The following GABBR2 variants were observed in gnomAD, a reference collection of about 807,000 sequenced individuals.
GABBR2 encodes gamma-aminobutyric acid type B receptor subunit 2.
In GABBR2, 23 loss-of-function variants were observed where a neutral mutation model predicts 105.6. The ratio of observed to expected loss-of-function variants is 0.22; its 90% CI spans 0.16 to 0.31. The LOEUF (loss-of-function observed/expected upper bound fraction) is 0.31. Ranked by LOEUF, GABBR2 falls within the 10% of genes least tolerant of loss-of-function variation. The probability of loss-of-function intolerance (pLI) is 1.00; values close to 1 mark genes in which losing one functional copy is unlikely to be tolerated. For missense variants in GABBR2, 734 were observed against 1,245.5 expected (o/e 0.59, Z 6.18); for synonymous variants, 478 against 499.7 (o/e 0.96, Z 0.58).
intron 3 of GABBR2, among the ~76,000 whole-genome samples, chr9:98,540,638 C>G (rs1432643491): frequency 6.6e-6 from 1 of 152,230 alleles, no homozygotes; most frequent in Non-Finnish European, 1.5e-5. Context: ...GTGTCTGCCC[C>G]CACCGCTCCG....
chr9:98,393,893 C>T (rs1400167683), intron 9 of GABBR2, among the ~76,000 whole-genome samples: 1 of 152,208 alleles, frequency 6.6e-6, no homozygotes, highest in Non-Finnish European at 1.5e-5. Flanking sequence ...AGAAGATAGA[C>T]CTAAATTTAG....
chr9:98,598,967 C>A (rs983083805), intron 1 of GABBR2, among the ~76,000 whole-genome samples: 2 of 152,178 alleles, frequency 1.3e-5, no homozygotes, highest in African/African-American at 2.4e-5. Context: ...CCCCTACCTC[C>A]TTAGCCCTCT....
At chr9:98,540,150 T>A (rs1231987754) in intron 3 of GABBR2, among the ~76,000 whole-genome samples, 4 of 152,138 alleles carry the variant, frequency 2.6e-5, no homozygotes, top group Non-Finnish European at 5.9e-5. Flanking sequence ...GTTCCCTTTG[T>A]GCCTCCTCCT....
chr9:98,434,913 G>T (rs1206454712), intron 7 of GABBR2, among the ~76,000 whole-genome samples: 1 of 152,182 alleles, frequency 6.6e-6, no homozygotes, highest in Non-Finnish European at 1.5e-5. Context: ...GGGTCTTGAG[G>T]TCACACTGTT....
intron 12 of GABBR2, among the ~76,000 whole-genome samples, chr9:98,368,410 C>T (rs568184645): frequency 6.6e-6 from 1 of 152,002 alleles, no homozygotes; most frequent in African/African-American, 2.4e-5. Context: ...GATGCCTGGA[C>T]CCACTGCAAG....
chr9:98,605,094 A>G, intron 1 of GABBR2, among the ~76,000 whole-genome samples: 1 of 152,242 alleles, frequency 6.6e-6, no homozygotes, highest in East Asian at 1.9e-4. Flanking sequence ...TGGCAAGGCC[A>G]AAAGGCAGAA....
intron 1 of GABBR2, among the ~76,000 whole-genome samples, chr9:98,677,378 T>C (rs1343608152): frequency 2.0e-5 from 3 of 152,232 alleles, no homozygotes; most frequent in African/African-American, 7.2e-5. Context: ...TATTAATAAC[T>C]GGAGGATACC....
intron 13 of GABBR2, among the ~76,000 whole-genome samples, chr9:98,349,602 C>T (rs1047730024): frequency 6.6e-6 from 1 of 151,982 alleles, no homozygotes; most frequent in Non-Finnish European, 1.5e-5. Context: ...GATCCGCCTT[C>T]CCTGGCCTCC....
At chr9:98,312,168 T>G (rs1245830921) in intron 13 of GABBR2, among the ~76,000 whole-genome samples, 1 of 152,254 alleles carries the variant, frequency 6.6e-6, no homozygotes, top group East Asian at 1.9e-4. Flanking sequence ...CTAGCCATTT[T>G]CAGATTTTGC....
intron 4 of GABBR2, among the ~76,000 whole-genome samples, chr9:98,484,517 G>A (rs1827000470): frequency 1.3e-5 from 2 of 152,140 alleles, no homozygotes; most frequent in African/African-American, 2.4e-5. Context: ...GCCAAGTCTG[G>A]AAGGAAGGAG....
chr9:98,665,200 T>TC (rs1830317603), intron 1 of GABBR2, among the ~76,000 whole-genome samples: 1 of 152,040 alleles, frequency 6.6e-6, no homozygotes, highest in Admixed American at 6.6e-5. Flanking sequence ...GCCTGGGAGG[T>TC]CCAGGCTGCA....
In GABBR2 at chr9:98,350,314, C is replaced by G. The variant is rs372222839; in HGVS notation, c.1893+12401G>C. Among the ~76,000 whole-genome samples the G allele has an allele frequency of 1.6e-4, 24 of 151,770 alleles. No individual in the cohort carries two copies. In the East Asian group the frequency reaches 2.9e-3, roughly 18 times the overall value. On this transcript the variant is annotated intron_variant, in intron 13 of 18. Coordinates refer to ENST00000259455, the MANE Select transcript of GABBR2 (RefSeq NM_005458.8). ...TTTATTTTGTTCTTGATTTTCTGGT[C>G]CCTTGAGGTGCATCATTAGGTTATT...
chr9:98,347,617 T>C (rs1480161554), intron 13 of GABBR2, among the ~76,000 whole-genome samples: 2 of 152,248 alleles, frequency 1.3e-5, no homozygotes, highest in African/African-American at 4.8e-5. Flanking sequence ...TTGTCTGTGC[T>C]TTTAAAGTTG....
At chr9:98,618,522 GTCTC>G (rs1369573011) in intron 1 of GABBR2, among the ~76,000 whole-genome samples, 4 of 113,536 alleles carry the variant, frequency 3.5e-5, no homozygotes, top group East Asian at 2.4e-4. Flanking sequence ...CTCTCTCTCT[GTCTC>G]TCTGACTCTT....
chr9:98,508,585 G>A (rs181270950), intron 3 of GABBR2, among the ~76,000 whole-genome samples: 85 of 152,296 alleles, frequency 5.6e-4, no homozygotes, highest in African/African-American at 1.9e-3. Flanking sequence ...CTTTTCCAAC[G>A]GGCTTAAAAA....
intron 1 of GABBR2, among the ~76,000 whole-genome samples, chr9:98,627,661 C>A (rs1294720824): frequency 1.3e-5 from 2 of 152,232 alleles, no homozygotes; most frequent in Non-Finnish European, 2.9e-5. Context: ...CAGATGAGCA[C>A]CCATCAGGGC....
intron 4 of GABBR2, among the ~76,000 whole-genome samples, chr9:98,486,250 C>T (rs775648384): frequency 3.3e-5 from 5 of 152,220 alleles, no homozygotes; most frequent in South Asian, 2.1e-4. Context: ...TCCTATCTAC[C>T]GCCTCCCAGT....
intron 16 of GABBR2, among the ~76,000 whole-genome samples, chr9:98,302,578 C>G (rs184610322): frequency 6.6e-4 from 100 of 152,340 alleles, no homozygotes; most frequent in Non-Finnish European, 9.4e-4. Flanking sequence ...TCCTGTCCCC[C>G]TCCCTAATCA....
chr9:98,363,647 T>G (rs1272026212), intron 12 of GABBR2, among the ~76,000 whole-genome samples: 2 of 152,196 alleles, frequency 1.3e-5, no homozygotes, highest in African/African-American at 4.8e-5. Flanking sequence ...ATTTTATTTG[T>G]GTTCCCTCAG....
Sources: gnomAD v4.1 joint callset for allele counts (sites outside exome capture counted in the v4.1 genomes callset) on GRCh38, gnomAD v4.1.1 for gene constraint, MANE v1.5 for transcripts, NCBI Gene and HGNC (gene_info 2026-07-23, HGNC 2026-07-21) for gene names.